The following BTLA variants were observed in gnomAD, a reference collection of about 807,000 sequenced individuals.
The protein encoded by BTLA is B and T lymphocyte associated, also known as B- and T-lymphocyte attenuator.
A neutral mutation model predicts 25.0 loss-of-function variants in BTLA; 11 were observed. The ratio of observed to expected loss-of-function variants is 0.44; its 90% CI spans 0.28 to 0.73. The LOEUF is 0.73. Ranked by LOEUF, BTLA falls within the 30% of genes least tolerant of loss-of-function variation. BTLA has a pLI of 0.15. For synonymous variants in BTLA, 104 were observed against 119.8 expected (o/e 0.87, Z 0.86); for missense variants, 282 against 332.8 (o/e 0.85, Z 1.19).
chr3:112,490,197 T>C (rs1198531084), intron 1 of BTLA, among the ~76,000 whole-genome samples: 1 of 152,212 alleles, frequency 6.6e-6, no homozygotes, highest in African/African-American at 2.4e-5. Flanking sequence ...ATGTATTATG[T>C]AATGTCTATT....
chr3:112,477,164 C>G (rs952747513), intron 2 of BTLA, among the ~76,000 whole-genome samples: 2 of 152,048 alleles, frequency 1.3e-5, no homozygotes, highest in Non-Finnish European at 2.9e-5. Flanking sequence ...TTTGTGTGAA[C>G]ATATATTTTA....
intron 4 of BTLA, among the ~76,000 whole-genome samples, chr3:112,469,171 A>T (rs1330287656): frequency 6.6e-6 from 1 of 152,184 alleles, no homozygotes; most frequent in South Asian, 2.1e-4. Context: ...TCCAAACCTT[A>T]TAGGAAAGAT....
In BTLA at chr3:112,465,120, G is replaced by C. The variant is rs979351132; in HGVS notation, c.*988C>G. The C allele has an allele frequency of 1.3e-5, 2 of 152,328 alleles. No individual in the cohort carries two copies. The highest frequency in any genetic ancestry group is 2.4e-5 in the African/African-American group (1 of 41,428). The allele number at this position is 152,328 out of a possible 1,614,324, so 9.4% of individuals were successfully genotyped here. Reference sequence around the variant, plus strand: ...TAAAATATGTCACTACAGATGATTTGCCCTGATTCCTTAGTAAGAAGAACA... The same window carrying C: ...TAAAATATGTCACTACAGATGATTTCCCCTGATTCCTTAGTAAGAAGAACA... On this transcript the variant is annotated 3_prime_UTR_variant, in exon 5 of 5. Coordinates refer to ENST00000334529, the MANE Select transcript of BTLA (RefSeq NM_181780.4).
chr3:112,479,811 G>A, intron 1 of BTLA, 42 bp from the exon 2 acceptor site: 1 of 1,462,862 alleles, frequency 6.8e-7, no homozygotes, highest in African/African-American at 1.4e-5. Context: ...ATGTTCTTCT[G>A]GAAGTACCAT....
chr3:112,467,249 C>T (rs2082234728), intron 4 of BTLA, among the ~76,000 whole-genome samples: 1 of 152,148 alleles, frequency 6.6e-6, no homozygotes, highest in South Asian at 2.1e-4. Context: ...CGTGAGCCAC[C>T]ACTCCCGGCA....
Position 112,465,804 on chromosome 3 carries a change from C to T in BTLA, c.*304G>A, listed in dbSNP as rs76786565. On this transcript the variant is annotated 3_prime_UTR_variant, in exon 5 of 5. Coordinates refer to ENST00000334529, the MANE Select transcript of BTLA (RefSeq NM_181780.4). Reference sequence around the variant, plus strand: ...TTTCCAATAGCTTCAAAGGCAAGATCGAGTTTGTATATTGGGTAAAATGTA... The same window carrying T: ...TTTCCAATAGCTTCAAAGGCAAGATTGAGTTTGTATATTGGGTAAAATGTA... The T allele has an allele frequency of 4.9e-4, 108 of 218,946 alleles. 1 individual carries two copies. Among genetic ancestry groups the T allele is most frequent in the African/African-American group, 2.3e-3 (100 of 44,434 alleles). 13.6% of individuals were successfully genotyped at this position (218,946 alleles called of 1,614,324 possible).
intron 2 of BTLA, among the ~76,000 whole-genome samples, chr3:112,473,463 C>A (rs977847409): frequency 1.3e-5 from 2 of 152,150 alleles, no homozygotes; most frequent in Admixed American, 6.5e-5. Context: ...ACAATGATAT[C>A]TCTGGCACCT....
At chr3:112,476,911 G>C (rs1200545303) in intron 2 of BTLA, among the ~76,000 whole-genome samples, 1 of 151,986 alleles carries the variant, frequency 6.6e-6, no homozygotes, top group African/African-American at 2.4e-5. Context: ...TGCCTATTTT[G>C]GATATTTCAT....
intron 1 of BTLA, among the ~76,000 whole-genome samples, chr3:112,482,596 T>C (rs1427867995): frequency 6.6e-6 from 1 of 152,202 alleles, no homozygotes; most frequent in Non-Finnish European, 1.5e-5. Context: ...CTCAGAATAA[T>C]AGAAACCTGA....
intron 1 of BTLA, among the ~76,000 whole-genome samples, chr3:112,489,409 A>G (rs2082367286): frequency 6.6e-6 from 1 of 152,168 alleles, no homozygotes; most frequent in African/African-American, 2.4e-5. Context: ...ATTATTTCTT[A>G]TTTTTAAATA....
rs777385531 is a variant in BTLA, at chr3:112,466,184, A to G, written c.794T>C (p.Ile265Thr). The G allele has an allele frequency of 6.8e-6, 11 of 1,613,610 alleles. No individual in the cohort carries two copies. The African/African-American group carries it at 1.3e-4, about 20-fold the overall frequency. ...IVYASLNHSV[I>T]GPNSRLARNV... ...TCTTGCCAGTCTTGAGTTCGGTCCA[A>G]TGACAGAATGGTTCAGGGAAGCATA... Residue 265 changes from isoleucine (I) to threonine (T), a missense_variant, in exon 5 of 5, where the codon ATT (isoleucine) becomes ACT (threonine). Ile to Thr is a moderately conservative substitution (Grantham distance 89). Transcript: ENST00000334529.
intron 1 of BTLA, among the ~76,000 whole-genome samples, chr3:112,495,490 T>C (rs899451886): frequency 4.6e-5 from 7 of 152,192 alleles, no homozygotes; most frequent in African/African-American, 1.7e-4. Flanking sequence ...AAGCAAGAAA[T>C]TTAAAAACTT....
chr3:112,478,159 C>T (rs1488723665), intron 2 of BTLA, among the ~76,000 whole-genome samples: 1 of 151,934 alleles, frequency 6.6e-6, no homozygotes, highest in Non-Finnish European at 1.5e-5. Context: ...TCTGCAATAG[C>T]AACAAAAAGC....
chr3:112,482,309 G>A (rs1178703593), intron 1 of BTLA, among the ~76,000 whole-genome samples: 1 of 152,062 alleles, frequency 6.6e-6, no homozygotes. Flanking sequence ...ACATTAGAAT[G>A]ACATAAGTGT....
chr3:112,491,919 C>T (rs913054671), intron 1 of BTLA, among the ~76,000 whole-genome samples: 1 of 152,228 alleles, frequency 6.6e-6, no homozygotes. Context: ...AAAGGCAGCA[C>T]ATCCAATATA....
chr3:112,493,014 C>A (rs1007407693), intron 1 of BTLA, among the ~76,000 whole-genome samples: 1 of 152,196 alleles, frequency 6.6e-6, no homozygotes, highest in Non-Finnish European at 1.5e-5. Context: ...TACACACAGA[C>A]ACATGCTGCA....
At chr3:112,475,835 T>C in intron 2 of BTLA, among the ~76,000 whole-genome samples, 1 of 152,218 alleles carries the variant, frequency 6.6e-6, no homozygotes, top group Middle Eastern at 3.4e-3. Context: ...TATTCAATAG[T>C]ATATATCATT....
chr3:112,486,012 C>G (rs547600854), intron 1 of BTLA, among the ~76,000 whole-genome samples: 2,368 of 152,232 alleles, frequency 0.016, 61 homozygotes, highest in African/African-American at 0.053. Context: ...AGCTGCTCGG[C>G]AGACTGAGGC....
intron 4 of BTLA, 127 bp downstream of exon 4, chr3:112,469,631 A>AG (rs11267594): frequency 0.013 from 2,163 of 160,912 alleles, 60 homozygotes; most frequent in Non-Finnish European, 0.021. Flanking sequence ...ATATATATAT[A>AG]TATATATATA....
Sources: allele counts gnomAD v4.1 joint callset (sites outside exome capture counted in the v4.1 genomes callset), GRCh38; gene constraint gnomAD v4.1.1; transcripts MANE v1.5; gene names NCBI Gene and HGNC (gene_info 2026-07-23, HGNC 2026-07-21).